Variants in FRMPD4 observed in about 807,000 individuals in gnomAD.
FRMPD4 encodes FERM and PDZ domain containing 4.
Under a neutral mutation model 94.1 loss-of-function variants are expected in FRMPD4, and 22 were observed. That is an observed-to-expected ratio of 0.23 (90% confidence interval 0.17 to 0.33). The LOEUF (loss-of-function observed/expected upper bound fraction) is 0.33. FRMPD4 is among the 10% of genes least tolerant of loss of function. The probability of loss-of-function intolerance (pLI) is 1.00; values close to 1 mark genes in which losing one functional copy is unlikely to be tolerated. For synonymous variants in FRMPD4, 631 were observed against 548.6 expected, an observed-to-expected ratio of 1.15 and a Z score of -2.10; for missense variants, 1,111 against 1,339.9, an observed-to-expected ratio of 0.83 and a Z score of 2.67.
intron 1 of FRMPD4, among the ~76,000 whole-genome samples, chrX:12,322,006 G>A (rs1334790219): frequency 3.6e-5 from 4 of 111,907 alleles, no homozygotes; most frequent in Non-Finnish European, 7.5e-5. Context: ...TGCAGTCAGT[G>A]GGTTTGTGTC....
At chrX:12,439,053 C>T (rs1025060891) in intron 1 of FRMPD4, among the ~76,000 whole-genome samples, 1 of 110,794 alleles carries the variant, frequency 9.0e-6, no homozygotes, top group Admixed American at 9.6e-5. Context: ...TGACTCCATC[C>T]AGAGCAAAGG....
At chrX:12,400,418 T>G (rs2056595423) in intron 1 of FRMPD4, among the ~76,000 whole-genome samples, 2 of 112,123 alleles carry the variant, frequency 1.8e-5, no homozygotes, top group South Asian at 7.4e-4. Flanking sequence ...TTCATTTCAA[T>G]GGCTCCCCCT....
chrX:12,588,396 A>G (rs2148389960), intron 2 of FRMPD4, among the ~76,000 whole-genome samples: 1 of 112,496 alleles, frequency 8.9e-6, no homozygotes, highest in Non-Finnish European at 1.9e-5. Flanking sequence ...ACCACATAAT[A>G]CACCTCATGA....
At chrX:12,093,998 G>A (rs775349386) in intron 3 of FRMPD4, among the ~76,000 whole-genome samples, 162 of 112,010 alleles carry the variant, frequency 1.4e-3, no homozygotes, top group Middle Eastern at 4.6e-3. Flanking sequence ...ATTATAGGTA[G>A]ACAAAAATAG....
intron 1 of FRMPD4, among the ~76,000 whole-genome samples, chrX:12,169,405 A>T (rs767332360): frequency 3.6e-5 from 4 of 112,380 alleles, no homozygotes; most frequent in Non-Finnish European, 7.5e-5. Context: ...CAAGACATCT[A>T]AATGCAGTAT....
At chrX:11,951,915 G>A (rs2054226372) in intron 3 of FRMPD4, among the ~76,000 whole-genome samples, 1 of 111,680 alleles carries the variant, frequency 9.0e-6, no homozygotes, top group Admixed American at 9.5e-5. Flanking sequence ...ACACACCTGT[G>A]GTTCCAACTA....
chrX:12,705,174 T>C (rs1332341170), intron 11 of FRMPD4, among the ~76,000 whole-genome samples: 1 of 112,302 alleles, frequency 8.9e-6, no homozygotes, highest in Non-Finnish European at 1.9e-5. Flanking sequence ...TTCACCATCA[T>C]TAGTGTTAAA....
At chrX:12,390,266 A>G (rs2056457442) in intron 1 of FRMPD4, among the ~76,000 whole-genome samples, 1 of 112,585 alleles carries the variant, frequency 8.9e-6, no homozygotes, top group Non-Finnish European at 1.9e-5. Context: ...AAAAGAAAAG[A>G]AAAATTCTAT....
chrX:12,632,917 A>G (rs1303044765), intron 4 of FRMPD4, among the ~76,000 whole-genome samples: 1 of 112,395 alleles, frequency 8.9e-6, no homozygotes, highest in Admixed American at 9.4e-5. Flanking sequence ...GTGTTTTTTC[A>G]TGCAGTCAGA....
chrX:12,099,317 T>C (rs779217982), intron 3 of FRMPD4, among the ~76,000 whole-genome samples: 1 of 111,893 alleles, frequency 8.9e-6, no homozygotes, highest in Admixed American at 9.5e-5. Flanking sequence ...TATTTCATAA[T>C]ACCTGTGCTC....
intron 9 of FRMPD4, among the ~76,000 whole-genome samples, chrX:12,699,882 A>C (rs1197029874): frequency 9.0e-6 from 1 of 111,162 alleles, no homozygotes; most frequent in African/African-American, 3.4e-5. Flanking sequence ...GCCTGACCTA[A>C]TGCTAACGGA....
At chrX:12,353,789 T>G (rs2055850421) in intron 1 of FRMPD4, among the ~76,000 whole-genome samples, 1 of 112,373 alleles carries the variant, frequency 8.9e-6, no homozygotes, top group African/African-American at 3.2e-5. Context: ...CGACTAACAA[T>G]TCTTTGTGAC....
chrX:12,186,043 G>C (rs1271048595), intron 1 of FRMPD4, among the ~76,000 whole-genome samples: 2 of 111,720 alleles, frequency 1.8e-5, no homozygotes, highest in Admixed American at 1.9e-4. Context: ...TAATTTTAAA[G>C]ATGGGTAATC....
At chrX:12,262,223 C>A (rs183433068) in intron 1 of FRMPD4, among the ~76,000 whole-genome samples, 13 of 111,702 alleles carry the variant, frequency 1.2e-4, no homozygotes, top group Admixed American at 5.7e-4. Flanking sequence ...CTACAATAGC[C>A]TGTTTGGCCT....
At chrX:12,137,777 T>C (rs2055618790), upstream of FRMPD4, among the ~76,000 whole-genome samples, 1 of 112,334 alleles carries the variant, frequency 8.9e-6, no homozygotes, top group South Asian at 3.7e-4. Context: ...TGAGTGTTTA[T>C]GTTTCTGTGT....
At chrX:11,901,787 G>A (rs1251507235) in intron 3 of FRMPD4, among the ~76,000 whole-genome samples, 2 of 110,761 alleles carry the variant, frequency 1.8e-5, no homozygotes, top group African/African-American at 3.3e-5. Context: ...TTTAATTATG[G>A]CCTTTCTTGC....
At chrX:12,627,594 T>C (rs1461100625) in intron 4 of FRMPD4, among the ~76,000 whole-genome samples, 3 of 112,075 alleles carry the variant, frequency 2.7e-5, no homozygotes, top group African/African-American at 9.7e-5. Context: ...TTTGGGAGCA[T>C]AGTTCATAAA....
At chrX:11,867,131 A>C (rs1440683899) in intron 2 of FRMPD4, among the ~76,000 whole-genome samples, 1 of 111,678 alleles carries the variant, frequency 9.0e-6, no homozygotes, top group Non-Finnish European at 1.9e-5. Flanking sequence ...ATAGCTGTAT[A>C]TATTTACATG....
At position 12,718,327 on chromosome X, in the gene FRMPD4, G is replaced by A. The variant is rs770250258; in HGVS notation, c.3501G>A (p.Glu1167=). The stretch of plus-strand genomic sequence containing the variant: ...CAGCCAAAGACTTAGATAACCCAGA[G>A]GACGCTGACTCGTCCACCTGCGACC... ...ASSAKDLDNP[E]DADSSTCDHP... is the part of the protein sequence containing the mutation. Residue 1167 remains glutamate, a synonymous_variant, in exon 16 of 17, where the codon GAG becomes GAA. Transcript: ENST00000675598. 4.1e-6 allele frequency: 5 copies of A among 1,211,420 alleles called. No individual in the cohort carries two copies. Among genetic ancestry groups the A allele is most frequent in the Non-Finnish European group, 5.6e-6 (5 of 895,071 alleles).
Sources: allele counts gnomAD v4.1 joint callset (sites outside exome capture counted in the v4.1 genomes callset), GRCh38; gene constraint gnomAD v4.1.1; transcripts MANE v1.5; gene names NCBI Gene and HGNC (gene_info 2026-07-23, HGNC 2026-07-21).